CATSPERZ: variants seen among roughly 807,000 people sequenced by gnomAD.
CATSPERZ encodes cation channel sperm-associated auxiliary subunit zeta.
In CATSPERZ, 21 loss-of-function variants were observed where a neutral mutation model predicts 21.7. The ratio of observed to expected loss-of-function variants is 0.97; its 90% CI spans 0.69 to 1.39. The LOEUF is 1.39. CATSPERZ is among the 40% of genes most tolerant of loss of function. CATSPERZ has a pLI of 0.00. For missense variants in CATSPERZ, 234 were observed against 259.5 expected (o/e 0.90, Z 0.68); for synonymous variants, 127 against 108.7 (o/e 1.17, Z -1.05).
At chr11:64,303,676 G>T (rs902630772) in intron 3 of CATSPERZ, 97 bp from the exon 4 acceptor site, 4 of 1,432,010 alleles carry the variant, frequency 2.8e-6, no homozygotes, top group Admixed American at 4.2e-5. Flanking sequence ...AGGCAGGCTG[G>T]TTGGGGGTTT....
intron 4 of CATSPERZ, 73 bp downstream of exon 4, chr11:64,303,912 G>C (rs985760939): frequency 6.7e-7 from 1 of 1,496,740 alleles, no homozygotes; most frequent in African/African-American, 1.4e-5. Flanking sequence ...GGGCCCAGGG[G>C]GGTGGGGTTT....
rs765651399 is a variant in CATSPERZ, at chr11:64,300,767, G to T, written c.132G>T (p.Pro44=). Residue 44 remains proline (P), a synonymous_variant, in exon 2 of 5, where the codon CCG becomes CCT. Transcript: ENST00000328404. ...TTLSQAQLNM[P]LSEVCEGFDE... is the part of the protein sequence containing the mutation. Reference sequence around the variant, plus strand: ...TGTCCCAGGCACAGCTGAACATGCCGCTGTCCGAGGTCTGCGAGGGCTTCG... The same window carrying T: ...TGTCCCAGGCACAGCTGAACATGCCTCTGTCCGAGGTCTGCGAGGGCTTCG... The T allele has an allele frequency of 6.4e-7, 1 of 1,553,540 alleles. No individual in the cohort carries two copies. The highest frequency in any genetic ancestry group is 8.7e-7 in the Non-Finnish European group (1 of 1,148,802).
At chr11:64,301,056 A>C in intron 2 of CATSPERZ, 69 bp downstream of exon 2, 1 of 1,376,032 alleles carries the variant, frequency 7.3e-7, no homozygotes, top group Non-Finnish European at 9.7e-7. Flanking sequence ...CAATTTCTGG[A>C]GCTGTAAAAT....
intron 4 of CATSPERZ, 27 bp from the exon 5 acceptor site, chr11:64,304,516 C>T: frequency 6.5e-7 from 1 of 1,550,316 alleles, no homozygotes; most frequent in African/African-American, 1.4e-5. Context: ...GCTCACTGCC[C>T]TGAGCCGAGC....
chr11:64,300,723 C>T lies in CATSPERZ; in HGVS notation c.88C>T (p.Leu30=). The change falls in exon 2 of 5, where the codon CTG becomes TTG. Residue 30 remains leucine, a synonymous_variant. Transcript: ENST00000328404. ...GAGCGTGCATAGCGACACTCGGGAC[C>T]TGTGGACCACGACCACGCTGTCCCA... is the stretch of plus-strand genomic sequence containing the variant. ...EESVHSDTRD[L]WTTTTLSQAQ... 6.4e-7 allele frequency: 1 copy of T among 1,551,400 alleles called. No individual in the cohort carries two copies. Among genetic ancestry groups the T allele is most frequent in the South Asian group, 1.2e-5 (1 of 84,094 alleles).
chr11:64,304,626 A>G lies in CATSPERZ; in HGVS notation c.583A>G (p.Lys195Glu). Residue 195 changes from lysine to glutamate, a missense_variant, in exon 5 of 5, where the codon AAG becomes GAG. By Grantham distance (56) the Lys-to-Glu change is moderately conservative (BLOSUM62 1). Coordinates refer to ENST00000328404, the MANE Select transcript of CATSPERZ (RefSeq NM_001039496.2). ...YIEGLKKRRS[K>E]RLYVN Reference sequence around the variant, plus strand: ...CGAAGGGCTCAAGAAGCGCCGGAGCAAGAGGCTGTACGTGAATTAAAAACG... The same window carrying G: ...CGAAGGGCTCAAGAAGCGCCGGAGCGAGAGGCTGTACGTGAATTAAAAACG... 6.3e-7 allele frequency: 1 copy of G among 1,575,494 alleles called. No homozygotes were observed. The highest frequency in any genetic ancestry group is 8.6e-7 in the Non-Finnish European group (1 of 1,161,312).
intron 3 of CATSPERZ, 50 bp downstream of exon 3, chr11:64,303,611 A>C: frequency 6.4e-7 from 1 of 1,570,200 alleles, no homozygotes; most frequent in Non-Finnish European, 8.7e-7. Context: ...GGGGATAGGC[A>C]AATTGGGGGT....
chr11:64,303,515 C>G lies in CATSPERZ; in HGVS notation c.386C>G (p.Ala129Gly), dbSNP rs376949802. The change falls in exon 3 of 5, where the codon GCG becomes GGG. Residue 129 changes from alanine (A) to glycine (G), a missense_variant. Physicochemically the swap from Ala to Gly is moderately conservative, Grantham distance 60. Transcript: ENST00000328404. Reference protein sequence around the residue: ...KSSSMSSLNIAKHMPHRAYWA... With the variant: ...KSSSMSSLNIGKHMPHRAYWA... ...TCCTCAATGTCATCACTCAATATTG[C>G]GAAGCACATGCCCCATCGAGCCTAC... The G allele has an allele frequency of 1.2e-6, 2 of 1,613,204 alleles. No homozygotes were observed. Among genetic ancestry groups the G allele is most frequent in the African/African-American group, 1.3e-5 (1 of 74,884 alleles).
intron 2 of CATSPERZ, 135 bp downstream of exon 2, chr11:64,301,122 C>T: frequency 2.2e-6 from 2 of 920,078 alleles, no homozygotes; most frequent in Non-Finnish European, 3.2e-6. Context: ...GGCGCCCGCG[C>T]CAATCTTTCG....
chr11:64,303,519 G>A lies in CATSPERZ; in HGVS notation c.390G>A (p.Lys130=). Residue 130 remains lysine, a synonymous_variant, in exon 3 of 5, where the codon AAG becomes AAA. Transcript: ENST00000328404. ...CAATGTCATCACTCAATATTGCGAAGCACATGCCCCATCGAGCCTACTGGG... is the reference window on the plus strand; with the variant it reads ...CAATGTCATCACTCAATATTGCGAAACACATGCCCCATCGAGCCTACTGGG... ...SSSMSSLNIA[K]HMPHRAYWAE... is the part of the protein sequence containing the mutation. 6.2e-7 allele frequency: 1 copy of A among 1,613,512 alleles called. No individual in the cohort carries two copies.
chr11:64,302,532 G>A (rs530150511), intron 2 of CATSPERZ, among the ~76,000 whole-genome samples: 2 of 152,078 alleles, frequency 1.3e-5, no homozygotes, highest in African/African-American at 2.4e-5. Context: ...CGCCCACCTC[G>A]GCCTCCCAAA....
rs1325812362 is a variant in CATSPERZ at position 64,300,686 on chromosome 11, C to A, written c.51C>A (p.Gly17=). The A allele has an allele frequency of 7.8e-6, 12 of 1,541,682 alleles. No individual in the cohort carries two copies. Among genetic ancestry groups the A allele is most frequent in the Admixed American group, 2.0e-5 (1 of 50,844 alleles). The change falls in exon 2 of 5, where the codon GGC becomes GGA. Residue 17 remains glycine, a synonymous_variant. Coordinates refer to ENST00000328404, the MANE Select transcript of CATSPERZ (RefSeq NM_001039496.2). ...CGCTCAAGTCTTCCGACCGCCAAGG[C>A]TCGGACGAGGAGAGCGTGCATAGCG... is the stretch of plus-strand genomic sequence containing the variant. ...KVSLKSSDRQ[G]SDEESVHSDT... is the part of the protein sequence containing the mutation.
Position 64,304,566 on chromosome 11 carries a change from G to C in CATSPERZ, c.523G>C (p.Asp175His). 1 of 1,587,634 alleles carries C rather than the reference G, an allele frequency of 6.3e-7. No homozygotes were observed. Among genetic ancestry groups the C allele is most frequent in the Non-Finnish European group, 8.6e-7 (1 of 1,167,926 alleles). Residue 175 changes from aspartate to histidine, a missense_variant, in exon 5 of 5, where the codon GAC (aspartate) becomes CAC (histidine). Asp to His is a moderately conservative substitution (Grantham distance 81). Transcript: ENST00000328404. Reference protein sequence around the residue: ...LRSYQLGIGRDHFLTKELQRY... With the variant: ...LRSYQLGIGRHHFLTKELQRY... The stretch of plus-strand genomic sequence containing the variant: ...AGGCTACCAGTTAGGGATCGGCAGG[G>C]ACCACTTCCTGACTAAGGAGCTGCA...
intron 1 of CATSPERZ, 70 bp from the exon 2 acceptor site, chr11:64,300,587 C>T: frequency 1.3e-6 from 2 of 1,517,422 alleles, no homozygotes; most frequent in Non-Finnish European, 1.8e-6. Flanking sequence ...GGCTCAGTTC[C>T]CCAGCCCGCT....
At chr11:64,300,628 T>A in intron 1 of CATSPERZ, 29 bp from the exon 2 acceptor site, 1 of 1,502,108 alleles carries the variant, frequency 6.7e-7, no homozygotes, top group South Asian at 1.3e-5. Context: ...TCCGCGACCC[T>A]TGGCTCCCTC....
At chr11:64,304,073 C>T (rs566102497) in intron 4 of CATSPERZ, among the ~76,000 whole-genome samples, 24 of 152,318 alleles carry the variant, frequency 1.6e-4, no homozygotes, top group Admixed American at 1.4e-3. Flanking sequence ...CTGAGTGCAG[C>T]CCCTCTCCAG....
At chr11:64,303,709 G>A (rs1274018247) in intron 3 of CATSPERZ, 64 bp from the exon 4 acceptor site, 11 of 1,533,856 alleles carry the variant, frequency 7.2e-6, no homozygotes, top group Non-Finnish European at 9.7e-6. Flanking sequence ...GAGGAGGTGG[G>A]GGCATTTCAG....
chr11:64,300,537 C>A (rs2034904389), intron 1 of CATSPERZ, 106 bp downstream of exon 1: 2 of 1,530,472 alleles, frequency 1.3e-6, no homozygotes, highest in African/African-American at 2.8e-5. Context: ...CCCGCAGCCC[C>A]CACCCAACCC....
chr11:64,300,755 G>A lies in CATSPERZ; in HGVS notation c.120G>A (p.Gln40=), dbSNP rs1414955074. The change falls in exon 2 of 5, where the codon CAG becomes CAA. Residue 40 remains glutamine, a synonymous_variant. Transcript: ENST00000328404. ...LWTTTTLSQA[Q]LNMPLSEVCE... ...CCACGACCACGCTGTCCCAGGCACAGCTGAACATGCCGCTGTCCGAGGTCT... is the reference window on the plus strand; with the variant it reads ...CCACGACCACGCTGTCCCAGGCACAACTGAACATGCCGCTGTCCGAGGTCT... 9 of 1,552,556 alleles carry A rather than the reference G, an allele frequency of 5.8e-6. No individual in the cohort carries two copies. The highest frequency in any genetic ancestry group is 7.8e-6 in the Non-Finnish European group (9 of 1,148,150).
Sources: gnomAD v4.1 joint callset for allele counts (sites outside exome capture counted in the v4.1 genomes callset) on GRCh38, gnomAD v4.1.1 for gene constraint, MANE v1.5 for transcripts, NCBI Gene and HGNC (gene_info 2026-07-23, HGNC 2026-07-21) for gene names.